Variants in GLIPR1L1 observed in about 807,000 individuals in gnomAD.
GLIPR1L1 encodes GLIPR1-like protein 1.
A neutral mutation model predicts 29.9 loss-of-function variants in GLIPR1L1; 26 were observed. The observed-to-expected ratio is 0.87, with a 90% CI of 0.64 to 1.21. The LOEUF (loss-of-function observed/expected upper bound fraction) is 1.21, where lower values mean the gene tolerates loss of function less well. Ranked by LOEUF, GLIPR1L1 falls within the 50% of genes most tolerant of loss-of-function variation. The probability of loss-of-function intolerance (pLI) is 0.00; values close to 1 mark genes in which losing one functional copy is unlikely to be tolerated. For synonymous variants in GLIPR1L1, 77 were observed against 97.5 expected, an observed-to-expected ratio of 0.79 and a Z score of 1.24; for missense variants, 305 against 290.3, an observed-to-expected ratio of 1.05 and a Z score of -0.37.
chr12:75,340,745 GA>G (rs1269872563), intron 1 of GLIPR1L1, among the ~76,000 whole-genome samples: 2 of 145,632 alleles, frequency 1.4e-5, no homozygotes, highest in African/African-American at 5.0e-5. Flanking sequence ...AAAAAAAAAA[GA>G]AAAAAATTCA....
At chr12:75,358,682 TTG>T (rs929087739) in intron 3 of GLIPR1L1, among the ~76,000 whole-genome samples, 1 of 147,756 alleles carries the variant, frequency 6.8e-6, no homozygotes, top group African/African-American at 2.5e-5. Context: ...TGTTACATAT[TTG>T]TGTTTCTTTT....
chr12:75,356,281 T>C (rs2043150673), intron 3 of GLIPR1L1, among the ~76,000 whole-genome samples: 1 of 152,044 alleles, frequency 6.6e-6, no homozygotes, highest in Non-Finnish European at 1.5e-5. Flanking sequence ...CAGAAAATCT[T>C]TTAAAAATAA....
At chr12:75,357,285 A>G (rs2043216031) in intron 3 of GLIPR1L1, among the ~76,000 whole-genome samples, 1 of 152,216 alleles carries the variant, frequency 6.6e-6, no homozygotes, top group Non-Finnish European at 1.5e-5. Context: ...TCACTTCACA[A>G]TGATAATTGG....
intron 4 of GLIPR1L1, chr12:75,366,857 G>A (rs549934725): frequency 2.7e-4 from 192 of 700,870 alleles, no homozygotes; most frequent in Non-Finnish European, 3.6e-4. Context: ...TTTCTTGAAT[G>A]AGTCTTTTAA....
Position 75,370,159 on chromosome 12 carries a change from C to G in GLIPR1L1, c.712C>G (p.Leu238Val), listed in dbSNP as rs148521297. The G allele has an allele frequency of 1.1e-4, 176 of 1,561,632 alleles. No individual in the cohort carries two copies. Among genetic ancestry groups the G allele is most frequent in the Admixed American group, 3.3e-5 (2 of 59,832 alleles). ...TAATCCATTCAGCTTAGGTTTTCTT[C>G]TTCTGAGAATCTTTTAATGTCATTT... Reference protein sequence around the residue: ...AFNPFSLGFLLLRIF With the variant: ...AFNPFSLGFLVLRIF Residue 238 changes from leucine to valine, a missense_variant, in exon 6 of 6, where the codon CTT becomes GTT. Coordinates refer to ENST00000378695, the MANE Select transcript of GLIPR1L1 (RefSeq NM_001304964.2).
chr12:75,335,005 T>G, intron 1 of GLIPR1L1, 103 bp downstream of exon 1: 1 of 1,144,048 alleles, frequency 8.7e-7, no homozygotes, highest in Non-Finnish European at 1.2e-6. Flanking sequence ...ATCCGGACTT[T>G]ACATATATGC....
chr12:75,361,552 A>G (rs1373149822), intron 3 of GLIPR1L1, among the ~76,000 whole-genome samples: 1 of 152,168 alleles, frequency 6.6e-6, no homozygotes, highest in African/African-American at 2.4e-5. Context: ...GCTGTACCTC[A>G]GCCTGTTTTA....
chr12:75,360,262 C>T (rs1220702890), intron 3 of GLIPR1L1: 1 of 152,200 alleles, frequency 6.6e-6, no homozygotes, highest in Non-Finnish European at 1.5e-5. Context: ...CATTTCCCAA[C>T]CAATCATGCC....
chr12:75,370,009 A>G (rs1157030539), intron 5 of GLIPR1L1, 23 bp downstream of exon 5: 1 of 1,143,218 alleles, frequency 8.7e-7, no homozygotes, highest in Non-Finnish European at 1.3e-6. Flanking sequence ...ATATTTTAGT[A>G]TTAATTAAAT....
intron 4 of GLIPR1L1, among the ~76,000 whole-genome samples, chr12:75,366,053 C>G (rs1017412730): frequency 4.6e-5 from 7 of 152,082 alleles, no homozygotes; most frequent in Non-Finnish European, 1.0e-4. Flanking sequence ...TCTAATGTTA[C>G]TTTACAAAGA....
intron 4 of GLIPR1L1, chr12:75,369,463 AT>A (rs1327093616): frequency 2.4e-5 from 22 of 935,642 alleles, no homozygotes; most frequent in Middle Eastern, 5.4e-4. Flanking sequence ...TTAATTAATT[AT>A]TTTTTTAAGT....
intron 3 of GLIPR1L1, among the ~76,000 whole-genome samples, chr12:75,353,966 A>G (rs116765478): frequency 6.6e-4 from 100 of 152,284 alleles, no homozygotes; most frequent in African/African-American, 2.3e-3. Flanking sequence ...ACTCCTCTCA[A>G]TAAACTAGGA....
chr12:75,362,547 C>G (rs1401870599), intron 3 of GLIPR1L1, among the ~76,000 whole-genome samples: 1 of 152,112 alleles, frequency 6.6e-6, no homozygotes, highest in Non-Finnish European at 1.5e-5. Context: ...TGGAATACTA[C>G]TCATGTTGTT....
chr12:75,369,451 A>T (rs1457046590), intron 4 of GLIPR1L1: 7 of 892,772 alleles, frequency 7.8e-6, no homozygotes, highest in Non-Finnish European at 9.4e-6. Flanking sequence ...AGGTCAAAAA[A>T]ATTAATTAAT....
rs111991215 is a variant in GLIPR1L1, at chr12:75,361,797, C to G, written c.522-1305C>G. ...AACCACCCCCATAATCCAATCACCT[C>G]CCTCCCTAAACTTGGGGCTTACAGG... On this transcript the variant is annotated intron_variant, in intron 3 of 5. Coordinates refer to ENST00000378695, the MANE Select transcript of GLIPR1L1 (RefSeq NM_001304964.2). Among the ~76,000 whole-genome samples, 171 of 152,216 alleles carry G rather than the reference C, an allele frequency of 1.1e-3. 3 individuals are homozygous for G. The highest frequency in any genetic ancestry group is 4.0e-3 in the African/African-American group (166 of 41,546).
chr12:75,341,794 G>A (rs954940887), intron 1 of GLIPR1L1, among the ~76,000 whole-genome samples: 1 of 123,106 alleles, frequency 8.1e-6, no homozygotes, highest in African/African-American at 3.3e-5. Context: ...CTGTCACCCA[G>A]ACTGGAGGGC....
At chr12:75,358,476 A>G (rs1182692572) in intron 3 of GLIPR1L1, among the ~76,000 whole-genome samples, 1 of 151,392 alleles carries the variant, frequency 6.6e-6, no homozygotes, top group Non-Finnish European at 1.5e-5. Context: ...GATTATCTCA[A>G]TAGATTCAGA....
intron 4 of GLIPR1L1, among the ~76,000 whole-genome samples, chr12:75,368,775 A>G (rs1442321495): frequency 6.6e-6 from 1 of 151,860 alleles, no homozygotes; most frequent in Non-Finnish European, 1.5e-5. Context: ...ATTCTGATTA[A>G]TTTTTTAATG....
intron 4 of GLIPR1L1, among the ~76,000 whole-genome samples, chr12:75,367,818 C>A (rs1295233527): frequency 2.0e-5 from 3 of 151,978 alleles, no homozygotes; most frequent in African/African-American, 7.2e-5. Flanking sequence ...ATAGTTCATT[C>A]ATTTCTCCAG....
Sources: allele counts gnomAD v4.1 joint callset (sites outside exome capture counted in the v4.1 genomes callset), GRCh38; gene constraint gnomAD v4.1.1; transcripts MANE v1.5; gene names NCBI Gene and HGNC (gene_info 2026-07-23, HGNC 2026-07-21).